CERKL: variants seen among roughly 807,000 people sequenced by gnomAD.
CERKL encodes CERK like autophagy regulator.
In CERKL, 61 loss-of-function variants were observed where a neutral mutation model predicts 63.4. That is an observed-to-expected ratio of 0.96 (90% confidence interval 0.78 to 1.19). The LOEUF is 1.19. Ranked by LOEUF, CERKL falls within the 50% of genes most tolerant of loss-of-function variation. The pLI is 0.00. For synonymous variants in CERKL, 250 were observed against 230.5 expected (o/e 1.08, Z -0.77); for missense variants, 675 against 655.5 (o/e 1.03, Z -0.33).
At chr2:181,626,810 G>A (rs1035698101) in intron 1 of CERKL, among the ~76,000 whole-genome samples, 9 of 152,232 alleles carry the variant, frequency 5.9e-5, no homozygotes, top group Non-Finnish European at 1.3e-4. Flanking sequence ...GTCATCTTCT[G>A]ATTTTCAGCA....
chr2:181,617,102 G>A (rs998879484), intron 1 of CERKL, among the ~76,000 whole-genome samples: 1 of 152,172 alleles, frequency 6.6e-6, no homozygotes, highest in African/African-American at 2.4e-5. Flanking sequence ...ACTAATAATT[G>A]CTGCATTCTT....
chr2:181,555,805 T>G, intron 5 of CERKL, among the ~76,000 whole-genome samples: 1 of 146,912 alleles, frequency 6.8e-6, no homozygotes. Context: ...CAGGCTGGAG[T>G]ACAGTGGCAC....
intron 4 of CERKL, among the ~76,000 whole-genome samples, chr2:181,562,803 G>A (rs565144725): frequency 6.6e-6 from 1 of 151,982 alleles, no homozygotes; most frequent in East Asian, 1.9e-4. Flanking sequence ...ATATATTGTT[G>A]TAGTTTTGAT....
At chr2:181,655,511 C>G (rs1688117764) in intron 1 of CERKL, among the ~76,000 whole-genome samples, 1 of 152,216 alleles carries the variant, frequency 6.6e-6, no homozygotes, top group Non-Finnish European at 1.5e-5. Flanking sequence ...CAAGAAAATA[C>G]TACACCTTGG....
intron 5 of CERKL, among the ~76,000 whole-genome samples, chr2:181,551,732 T>C (rs374367293): frequency 1.2e-4 from 18 of 152,100 alleles, no homozygotes; most frequent in African/African-American, 3.6e-4. Flanking sequence ...GGGACCCAAG[T>C]CTAAACATAA....
intron 1 of CERKL, among the ~76,000 whole-genome samples, chr2:181,636,229 C>T (rs560596260): frequency 8.5e-5 from 13 of 152,274 alleles, no homozygotes; most frequent in East Asian, 1.9e-4. Flanking sequence ...AACGAATTTG[C>T]GCAGCGTCTA....
chr2:181,610,389 G>T (rs527680133), intron 1 of CERKL, among the ~76,000 whole-genome samples: 1 of 152,298 alleles, frequency 6.6e-6, no homozygotes, highest in African/African-American at 2.4e-5. Flanking sequence ...TGGTGGGAAT[G>T]CAAAAATGGT....
intron 2 of CERKL, among the ~76,000 whole-genome samples, chr2:181,595,966 TTATAATAATGAC>T: frequency 6.6e-6 from 1 of 152,324 alleles, no homozygotes; most frequent in African/African-American, 2.4e-5. Flanking sequence ...ATTTACATTT[TTATAATAATGAC>T]TTTAGTAAAG....
In CERKL at chr2:181,538,182, T is replaced by TGTTA. The variant is rs778707393; in HGVS notation, c.1597_*1dup. The TGTTA allele has an allele frequency of 3.2e-6, 5 of 1,555,536 alleles. No individual in the cohort carries two copies. The East Asian group carries it at 1.1e-4, about 35-fold the overall frequency. ...TACATTTCTTTTAGAAACAATTACA[T>TGTTA]GTTACTTTGGAATCATTTCTTCCAT... On this transcript the variant is annotated 3_prime_UTR_variant, in exon 13 of 13. Coordinates refer to ENST00000410087, the MANE Select transcript of CERKL (RefSeq NM_201548.5).
In CERKL at chr2:181,537,719, TGTGTCCAATAAACA is replaced by T. The variant is rs1453886363; in HGVS notation, c.*451_*464del. Reference sequence around the variant, plus strand: ...TTATGATGGTTGCAAAGTTTTTTTGTGTGTCCAATAAACACATTGTAAAAAAAAGAATTTGAATT... The same window carrying T: ...TTATGATGGTTGCAAAGTTTTTTTGTCATTGTAAAAAAAAGAATTTGAATT... On this transcript the variant is annotated 3_prime_UTR_variant, in exon 13 of 13. Transcript: ENST00000410087. The T allele has an allele frequency of 4.7e-6, 2 of 428,918 alleles. No individual in the cohort carries two copies. Among genetic ancestry groups the T allele is most frequent in the Non-Finnish European group, 9.3e-6 (2 of 215,546 alleles). The allele number at this position is 428,918 out of a possible 1,614,324, so 26.6% of individuals were successfully genotyped here. A position where few individuals can be genotyped will look rare whatever the true frequency, so the allele number is the denominator to read the frequency against.
intron 1 of CERKL, among the ~76,000 whole-genome samples, chr2:181,629,587 G>A (rs1260823217): frequency 6.6e-6 from 1 of 151,860 alleles, no homozygotes; most frequent in East Asian, 1.9e-4. Context: ...ATAAATGGGG[G>A]GGTGGTTCTG....
intron 1 of CERKL, among the ~76,000 whole-genome samples, chr2:181,645,879 A>G (rs1687652534): frequency 6.6e-6 from 1 of 152,190 alleles, no homozygotes; most frequent in South Asian, 2.1e-4. Context: ...AATCCTTGCC[A>G]TCTTGAAGTG....
intron 1 of CERKL, among the ~76,000 whole-genome samples, chr2:181,607,707 G>A (rs950049239): frequency 1.3e-5 from 2 of 152,210 alleles, no homozygotes; most frequent in African/African-American, 2.4e-5. Flanking sequence ...GACCAGGGAA[G>A]TCTTGCACCC....
chr2:181,580,417 A>T (rs6726187), intron 2 of CERKL, among the ~76,000 whole-genome samples: 61,029 of 150,736 alleles, frequency 0.4, 13,523 homozygotes, highest in African/African-American at 0.58. Flanking sequence ...CCCTTTATTC[A>T]CTTGGATTTT....
intron 2 of CERKL, among the ~76,000 whole-genome samples, chr2:181,602,642 G>A (rs1685506490): frequency 6.6e-6 from 1 of 152,190 alleles, no homozygotes; most frequent in African/African-American, 2.4e-5. Context: ...CATCTCGCAT[G>A]AGCATAGCTT....
At chr2:181,647,624 T>C (rs1687727811) in intron 1 of CERKL, among the ~76,000 whole-genome samples, 1 of 151,896 alleles carries the variant, frequency 6.6e-6, no homozygotes, top group Admixed American at 6.6e-5. Context: ...AGGAAAAGTC[T>C]CTCCCTGTGA....
intron 1 of CERKL, among the ~76,000 whole-genome samples, chr2:181,622,225 A>C (rs1004417554): frequency 3.3e-5 from 5 of 152,234 alleles, no homozygotes; most frequent in African/African-American, 1.2e-4. Flanking sequence ...TCTACACTAA[A>C]GTAGCCATAA....
At chr2:181,648,207 A>G (rs531084041) in intron 1 of CERKL, among the ~76,000 whole-genome samples, 14 of 152,300 alleles carry the variant, frequency 9.2e-5, no homozygotes, top group African/African-American at 2.6e-4. Flanking sequence ...ATTAAACCCA[A>G]AAAGATTCTC....
At chr2:181,648,458 T>C (rs1303822087) in intron 1 of CERKL, among the ~76,000 whole-genome samples, 1 of 151,988 alleles carries the variant, frequency 6.6e-6, no homozygotes, top group Non-Finnish European at 1.5e-5. Flanking sequence ...CCAGCAAAAC[T>C]ATCCTGGAGG....
Sources: gnomAD v4.1 joint callset for allele counts (sites outside exome capture counted in the v4.1 genomes callset) on GRCh38, gnomAD v4.1.1 for gene constraint, MANE v1.5 for transcripts, NCBI Gene and HGNC (gene_info 2026-07-23, HGNC 2026-07-21) for gene names.